NOL4: variants seen among roughly 807,000 people sequenced by gnomAD.
The protein encoded by NOL4 is nucleolar protein 4.
A neutral mutation model predicts 75.9 loss-of-function variants in NOL4; 17 were observed. The observed-to-expected ratio is 0.22, with a 90% CI of 0.15 to 0.34. The LOEUF (loss-of-function observed/expected upper bound fraction) is 0.34. Ranked by LOEUF, NOL4 falls within the 10% of genes least tolerant of loss-of-function variation. The pLI is 1.00. For synonymous variants in NOL4, 292 were observed against 289.9 expected, an observed-to-expected ratio of 1.01 and a Z score of -0.07; for missense variants, 614 against 793.5, an observed-to-expected ratio of 0.77 and a Z score of 2.72.
chr18:33,988,352 A>C (rs1268792960), intron 6 of NOL4, among the ~76,000 whole-genome samples: 3 of 152,094 alleles, frequency 2.0e-5, no homozygotes, highest in Non-Finnish European at 4.4e-5. Context: ...TGGAGATTTC[A>C]GTTTCAGAGG....
At chr18:34,217,654 G>A (rs1368611084) in intron 1 of NOL4, among the ~76,000 whole-genome samples, 2 of 151,794 alleles carry the variant, frequency 1.3e-5, no homozygotes, top group African/African-American at 2.4e-5. Flanking sequence ...TAATTACATC[G>A]TGATTTTCAT....
At chr18:33,922,735 A>T (rs531962282) in intron 9 of NOL4, among the ~76,000 whole-genome samples, 4 of 152,288 alleles carry the variant, frequency 2.6e-5, no homozygotes, top group African/African-American at 7.2e-5. Context: ...TTTGAAATAC[A>T]TTCTTAAAGT....
intron 1 of NOL4, among the ~76,000 whole-genome samples, chr18:34,205,469 C>T (rs1247428149): frequency 2.0e-5 from 3 of 151,986 alleles, no homozygotes; most frequent in African/African-American, 7.3e-5. Flanking sequence ...TTTCTCCACC[C>T]AAAGCGGTTT....
At chr18:34,101,009 T>C (rs1206344510) in intron 4 of NOL4, among the ~76,000 whole-genome samples, 7 of 152,156 alleles carry the variant, frequency 4.6e-5, no homozygotes, top group Non-Finnish European at 1.0e-4. Flanking sequence ...CTTGGAGCCA[T>C]TACTACCTCT....
intron 1 of NOL4, among the ~76,000 whole-genome samples, chr18:34,147,846 TG>T (rs2081471492): frequency 6.6e-6 from 1 of 152,050 alleles, no homozygotes; most frequent in African/African-American, 2.4e-5. Flanking sequence ...CATCTGATCC[TG>T]GGTCTTTTTG....
intron 9 of NOL4, among the ~76,000 whole-genome samples, chr18:33,919,741 T>G (rs184040358): frequency 1.1e-4 from 17 of 152,266 alleles, no homozygotes; most frequent in Admixed American, 2.6e-4. Flanking sequence ...GGGCTCCAAT[T>G]AGAGGATGTG....
chr18:34,072,875 T>G (rs577662567), intron 5 of NOL4, among the ~76,000 whole-genome samples: 2 of 152,280 alleles, frequency 1.3e-5, no homozygotes, highest in East Asian at 1.9e-4. Context: ...CACAAAACAT[T>G]GTAAAATATT....
At chr18:34,053,310 GA>G (rs879555932) in intron 5 of NOL4, among the ~76,000 whole-genome samples, 5 of 149,742 alleles carry the variant, frequency 3.3e-5, no homozygotes, top group African/African-American at 4.9e-5. Context: ...GAAAACTGTT[GA>G]AAAAAAAATA....
intron 5 of NOL4, among the ~76,000 whole-genome samples, chr18:34,031,564 G>C (rs1397289232): frequency 6.6e-6 from 1 of 152,164 alleles, no homozygotes; most frequent in Non-Finnish European, 1.5e-5. Flanking sequence ...TGGTTGCCTA[G>C]AGGCATTTCA....
At chr18:34,175,326 C>G (rs1447572169) in intron 1 of NOL4, among the ~76,000 whole-genome samples, 1 of 152,082 alleles carries the variant, frequency 6.6e-6, no homozygotes, top group Non-Finnish European at 1.5e-5. Flanking sequence ...CTCCTCAGCA[C>G]CCATGTAAAA....
chr18:33,976,781 T>C (rs2071520595), intron 6 of NOL4, among the ~76,000 whole-genome samples: 1 of 152,176 alleles, frequency 6.6e-6, no homozygotes, highest in African/African-American at 2.4e-5. Flanking sequence ...GAACTCCCAG[T>C]AATTAATTTC....
chr18:33,861,401 G>C (rs1196211835), intron 10 of NOL4, among the ~76,000 whole-genome samples: 1 of 152,122 alleles, frequency 6.6e-6, no homozygotes, highest in African/African-American at 2.4e-5. Flanking sequence ...ATTTCTTCTG[G>C]ATTTTCAAGT....
In NOL4 at chr18:34,034,787, G is replaced by A. The variant is rs528122937; in HGVS notation, c.773-15186C>T. 6.0e-4 allele frequency among the ~76,000 whole-genome samples: 90 copies of A among 150,906 alleles called. 1 individual carries two copies. Among genetic ancestry groups the A allele is most frequent in the South Asian group, 2.3e-3 (11 of 4,748 alleles). On this transcript the variant is annotated intron_variant, in intron 5 of 10. Transcript: ENST00000261592. ...CAATAAACAATCCCAAAGTGAGCAG[G>A]AATAGCTATATTTACATCAGATAAA...
chr18:33,876,230 T>C (rs1487364420), intron 10 of NOL4, among the ~76,000 whole-genome samples: 1 of 152,054 alleles, frequency 6.6e-6, no homozygotes, highest in East Asian at 1.9e-4. Context: ...TGGATAGTGT[T>C]ATTTTAATGA....
intron 8 of NOL4, among the ~76,000 whole-genome samples, chr18:33,943,527 G>A (rs2068636051): frequency 6.6e-6 from 1 of 151,496 alleles, no homozygotes; most frequent in African/African-American, 2.4e-5. Context: ...TACAACATAT[G>A]ACATGCACAA....
At chr18:33,876,533 A>G (rs1178914005) in intron 10 of NOL4, among the ~76,000 whole-genome samples, 1 of 152,030 alleles carries the variant, frequency 6.6e-6, no homozygotes, top group Non-Finnish European at 1.5e-5. Flanking sequence ...ATCTAATATA[A>G]TGCTAATCTT....
At chr18:34,024,192 A>ATATATATATATATATATATATATATAT (rs1215950663) in intron 5 of NOL4, among the ~76,000 whole-genome samples, 41 of 76,132 alleles carry the variant, frequency 5.4e-4, no homozygotes, top group South Asian at 9.7e-4. Flanking sequence ...AAAAAAAAAA[A>ATATATATATATATATATATATATATAT]AAATATATAT....
chr18:34,182,295 C>G (rs1199555500), intron 1 of NOL4, among the ~76,000 whole-genome samples: 2 of 151,422 alleles, frequency 1.3e-5, no homozygotes, highest in Non-Finnish European at 3.0e-5. Flanking sequence ...TGAAAGAAAA[C>G]AGATAGGAAG....
intron 5 of NOL4, among the ~76,000 whole-genome samples, chr18:34,089,404 T>C (rs1285960677): frequency 1.3e-5 from 2 of 152,176 alleles, no homozygotes; most frequent in Non-Finnish European, 2.9e-5. Context: ...ATTCAACCAA[T>C]GGCTGCAGAG....
Sources: allele counts gnomAD v4.1 joint callset (sites outside exome capture counted in the v4.1 genomes callset), GRCh38; gene constraint gnomAD v4.1.1; transcripts MANE v1.5; gene names NCBI Gene and HGNC (gene_info 2026-07-23, HGNC 2026-07-21).